ABCA6: variants seen among roughly 807,000 people sequenced by gnomAD.
The protein encoded by ABCA6 is ATP-binding cassette sub-family A member 6.
In ABCA6, 164 loss-of-function variants were observed where a neutral mutation model predicts 191.2. The observed-to-expected ratio is 0.86, with a 90% CI of 0.76 to 0.98. The LOEUF (loss-of-function observed/expected upper bound fraction) is 0.98. Ranked by LOEUF, ABCA6 falls within the 50% of genes least tolerant of loss-of-function variation. ABCA6 has a pLI of 0.00. For missense variants in ABCA6, 1,958 were observed against 1,894.1 expected, an observed-to-expected ratio of 1.03 and a Z score of -0.63; for synonymous variants, 636 against 647.7, an observed-to-expected ratio of 0.98 and a Z score of 0.27.
chr17:69,136,996 A>G (rs2144723781), intron 3 of ABCA6, among the ~76,000 whole-genome samples: 1 of 152,212 alleles, frequency 6.6e-6, no homozygotes, highest in East Asian at 1.9e-4. Context: ...AACACACACA[A>G]TTTTCAATTA....
chr17:69,133,356 T>C (rs1250273601), intron 6 of ABCA6, among the ~76,000 whole-genome samples: 3 of 152,190 alleles, frequency 2.0e-5, no homozygotes, highest in Non-Finnish European at 4.4e-5. Flanking sequence ...CATTGGGCAA[T>C]TCTCTTATTC....
At chr17:69,094,162 C>T (rs191225945) in intron 25 of ABCA6, 5 of 152,162 alleles carry the variant, frequency 3.3e-5, no homozygotes, top group East Asian at 3.9e-4. Context: ...AGTGAGAACA[C>T]CTTAATCACC....
intron 16 of ABCA6, 157 bp from the exon 17 acceptor site, chr17:69,111,097 T>C: frequency 1.6e-6 from 1 of 614,084 alleles, no homozygotes; most frequent in Non-Finnish European, 2.6e-6. Flanking sequence ...TCTATCAGTT[T>C]GAAAATTTTA....
In ABCA6 at chr17:69,097,973, C is replaced by T; in HGVS notation, c.3067G>A (p.Val1023Ile). 1 of 1,611,460 alleles carries T rather than the reference C, an allele frequency of 6.2e-7. No homozygotes were observed. Among genetic ancestry groups the T allele is most frequent in the African/African-American group, 1.3e-5 (1 of 74,692 alleles). ...ATATAAGGAGAAATGCTACATAGAA[C>T]CAAAAATAAGAAAAAGGAACCATCC... ...LPDGSFFLFL[V>I]LCSISPYITM... Residue 1023 changes from valine (V) to isoleucine (I), a missense_variant, in exon 23 of 39, where the codon GTT becomes ATT. Coordinates refer to ENST00000284425, the MANE Select transcript of ABCA6 (RefSeq NM_080284.3).
At chr17:69,137,614 C>T (rs1028108269) in intron 2 of ABCA6, 114 bp from the exon 3 acceptor site, 1 of 920,374 alleles carries the variant, frequency 1.1e-6, no homozygotes, top group East Asian at 2.7e-5. Context: ...CAGTTATGTT[C>T]TCTCTGCTCT....
At chr17:69,090,823 T>C (rs187362843) in intron 26 of ABCA6, among the ~76,000 whole-genome samples, 10 of 152,338 alleles carry the variant, frequency 6.6e-5, no homozygotes, top group Non-Finnish European at 1.3e-4. Flanking sequence ...ATTACCCATA[T>C]TTGAATGGCA....
rs749852495 is a variant in ABCA6 at position 69,114,951 on chromosome 17, T to C, written c.1607-14A>G. On this transcript the variant is annotated splice_polypyrimidine_tract_variant and intron_variant, in intron 12 of 38. Transcript: ENST00000284425. ...TGGTAACTGATCCTAAGAATAGAAG[T>C]TAAAAATAAAATTGGCAAGATAATA... is the stretch of plus-strand genomic sequence containing the variant. The C allele has an allele frequency of 1.3e-6, 2 of 1,573,284 alleles. No individual in the cohort carries two copies.
intron 37 of ABCA6, among the ~76,000 whole-genome samples, chr17:69,080,259 A>G (rs1313308661): frequency 6.6e-6 from 1 of 152,194 alleles, no homozygotes; most frequent in Non-Finnish European, 1.5e-5. Context: ...AACATGGCCA[A>G]GTGGGCACTA....
At chr17:69,131,430 T>G (rs1046898637) in intron 6 of ABCA6, among the ~76,000 whole-genome samples, 1 of 152,138 alleles carries the variant, frequency 6.6e-6, no homozygotes, top group Non-Finnish European at 1.5e-5. Context: ...GGAACTACTT[T>G]AGGTAGGAAT....
At chr17:69,081,888 T>C (rs1295180240) in intron 36 of ABCA6, among the ~76,000 whole-genome samples, 1 of 152,156 alleles carries the variant, frequency 6.6e-6, no homozygotes, top group African/African-American at 2.4e-5. Flanking sequence ...ACAAAATACT[T>C]CCTGACCTCT....
chr17:69,100,762 CTTAA>C (rs780757043), intron 22 of ABCA6, 31 bp downstream of exon 22: 58 of 1,551,136 alleles, frequency 3.7e-5, no homozygotes, highest in Non-Finnish European at 4.4e-5. Context: ...TTGTCCAATT[CTTAA>C]TTGTTTAGAC....
At chr17:69,131,348 C>A (rs1418909482) in intron 6 of ABCA6, among the ~76,000 whole-genome samples, 2 of 152,078 alleles carry the variant, frequency 1.3e-5, no homozygotes, top group Non-Finnish European at 2.9e-5. Context: ...AATAATTAAG[C>A]CTGTGTTAGA....
chr17:69,118,729 T>C (rs2073583469), intron 10 of ABCA6, among the ~76,000 whole-genome samples: 1 of 152,118 alleles, frequency 6.6e-6, no homozygotes, highest in African/African-American at 2.4e-5. Context: ...TAAAGTCCTC[T>C]TCCTTCATCA....
chr17:69,103,817 G>A (rs2286419), intron 20 of ABCA6: 140,582 of 152,056 alleles, frequency 0.92, 65,106 homozygotes, highest in Non-Finnish European at 0.94. Flanking sequence ...TTTACTTACT[G>A]AGAGACCTTA....
chr17:69,137,425 C>A lies in ABCA6; in HGVS notation c.172G>T (p.Gly58Ter). 6.2e-7 allele frequency: 1 copy of A among 1,613,672 alleles called. No homozygotes were observed. The highest frequency in any genetic ancestry group is 1.1e-5 in the South Asian group (1 of 91,080). Residue 58 changes from glycine to a stop codon, truncating the protein, a stop_gained, in exon 3 of 39, where the codon GGA (glycine) becomes TGA (stop). Transcript: ENST00000284425. LOFTEE classifies it high-confidence loss of function. ...SSSMRNVQFPGMAPQNLGRVD... is the reference protein window; with the variant it reads ...SSSMRNVQFP Reference sequence around the variant, plus strand: ...CTTCCCAGATTCTGAGGAGCCATTCCAGGAAACTGGACATTTCTCATGGAA... The same window carrying A: ...CTTCCCAGATTCTGAGGAGCCATTCAAGGAAACTGGACATTTCTCATGGAA...
intron 15 of ABCA6, 93 bp from the exon 16 acceptor site, chr17:69,112,366 AAGG>A (rs1261360152): frequency 1.1e-6 from 1 of 924,256 alleles, no homozygotes; most frequent in African/African-American, 1.7e-5. Flanking sequence ...CAGAAGTGCA[AAGG>A]AGAAGTATTC....
intron 10 of ABCA6, among the ~76,000 whole-genome samples, chr17:69,122,623 C>G (rs2073670341): frequency 6.6e-6 from 1 of 151,930 alleles, no homozygotes; most frequent in Non-Finnish European, 1.5e-5. Flanking sequence ...GAATTTCTTA[C>G]TTCTTCCAAC....
intron 10 of ABCA6, among the ~76,000 whole-genome samples, chr17:69,120,554 C>T (rs2073621703): frequency 1.3e-5 from 2 of 151,936 alleles, no homozygotes; most frequent in Non-Finnish European, 2.9e-5. Context: ...GTAAAGAACC[C>T]AGCAACAATA....
chr17:69,115,438 T>C lies in ABCA6; in HGVS notation c.1544A>G (p.His515Arg), dbSNP rs138362778. 1.3e-4 allele frequency: 203 copies of C among 1,612,080 alleles called. No individual in the cohort carries two copies. Among genetic ancestry groups the C allele is most frequent in the Admixed American group, 2.0e-4 (12 of 59,860 alleles). Residue 515 changes from histidine to arginine, a missense_variant, in exon 12 of 39, where the codon CAC becomes CGC. Physicochemically the swap from His to Arg is conservative, Grantham distance 29. Coordinates refer to ENST00000284425, the MANE Select transcript of ABCA6 (RefSeq NM_080284.3). ...CAGTGAAGATTTGCCAGCTCCACTG[T>C]GACCCAGGATTGCCGTGATTTGACC... ...YEGQITAILG[H>R]SGAGKSSLLN...
Sources: allele counts gnomAD v4.1 joint callset (sites outside exome capture counted in the v4.1 genomes callset), GRCh38; gene constraint gnomAD v4.1.1; transcripts MANE v1.5; gene names NCBI Gene and HGNC (gene_info 2026-07-23, HGNC 2026-07-21).